SGF29: variants seen among roughly 807,000 people sequenced by gnomAD.
The protein encoded by SGF29 is SAGA-associated factor 29.
Under a neutral mutation model 38.1 loss-of-function variants are expected in SGF29, and 15 were observed. The ratio of observed to expected loss-of-function variants is 0.39; its 90% CI spans 0.26 to 0.61. SGF29 has a LOEUF of 0.61. Ranked by LOEUF, SGF29 falls within the 20% of genes least tolerant of loss-of-function variation. The pLI, the probability that SGF29 is intolerant of heterozygous loss-of-function variation, is 0.49. For synonymous variants in SGF29, 151 were observed against 160.8 expected, an observed-to-expected ratio of 0.94 and a Z score of 0.46; for missense variants, 184 against 394.6, an observed-to-expected ratio of 0.47 and a Z score of 4.52.
intron 5 of SGF29, 110 bp downstream of exon 5, chr16:28,589,274 CT>C: frequency 9.0e-7 from 1 of 1,110,032 alleles, no homozygotes; most frequent in Non-Finnish European, 1.4e-6. Flanking sequence ...TGCTGGCATC[CT>C]CCCATGGAGG....
Position 28,591,579 on chromosome 16 carries a change from C to G in SGF29, c.766-11C>G. ...TCTCTGAGCAGCCCCTCCTGTCTGC[C>G]TGCCCCACAGCCCCAGGATGACTAC... On this transcript the variant is annotated splice_polypyrimidine_tract_variant and intron_variant, in intron 9 of 9. Coordinates refer to ENST00000317058, the MANE Select transcript of SGF29 (RefSeq NM_138414.3). The G allele has an allele frequency of 6.3e-7, 1 of 1,599,226 alleles. No individual in the cohort carries two copies. Among genetic ancestry groups the G allele is most frequent in the Non-Finnish European group, 8.6e-7 (1 of 1,166,590 alleles).
At chr16:28,575,767 A>T (rs2046888725) in intron 1 of SGF29, among the ~76,000 whole-genome samples, 1 of 152,224 alleles carries the variant, frequency 6.6e-6, no homozygotes, top group African/African-American at 2.4e-5. Flanking sequence ...ATATGAAAAG[A>T]TACTCAATGC....
chr16:28,577,909 C>T (rs1258007774), intron 1 of SGF29, among the ~76,000 whole-genome samples: 1 of 152,056 alleles, frequency 6.6e-6, no homozygotes, highest in East Asian at 1.9e-4. Context: ...GTCTTGACAC[C>T]CTTGTTGAAA....
intron 1 of SGF29, among the ~76,000 whole-genome samples, chr16:28,570,356 C>G (rs1483998228): frequency 6.6e-6 from 1 of 152,150 alleles, no homozygotes; most frequent in Non-Finnish European, 1.5e-5. Flanking sequence ...TACCTGGGAC[C>G]TATTACCCCT....
chr16:28,583,208 T>C (rs1323550003), intron 2 of SGF29, among the ~76,000 whole-genome samples: 1 of 152,230 alleles, frequency 6.6e-6, no homozygotes, highest in African/African-American at 2.4e-5. Context: ...GAGTACAATA[T>C]TGGATTTCCC....
At chr16:28,589,293 A>C in intron 5 of SGF29, 129 bp downstream of exon 5, 1 of 888,490 alleles carries the variant, frequency 1.1e-6, no homozygotes, top group Non-Finnish European at 1.8e-6. Flanking sequence ...AGGCTCTGGC[A>C]GACTGGCTCT....
intron 1 of SGF29, among the ~76,000 whole-genome samples, chr16:28,578,883 A>C (rs912099367): frequency 6.6e-6 from 1 of 152,134 alleles, no homozygotes; most frequent in African/African-American, 2.4e-5. Flanking sequence ...CCGAGGTTGC[A>C]GTGAGCAGAG....
At chr16:28,561,160 G>C (rs745760464) in intron 1 of SGF29, among the ~76,000 whole-genome samples, 17 of 152,152 alleles carry the variant, frequency 1.1e-4, no homozygotes, top group Non-Finnish European at 1.9e-4. Context: ...GGGAGGCTGA[G>C]TCGGGAGGAT....
intron 1 of SGF29, among the ~76,000 whole-genome samples, chr16:28,555,591 G>A (rs1215965167): frequency 6.6e-6 from 1 of 152,212 alleles, no homozygotes; most frequent in Non-Finnish European, 1.5e-5. Flanking sequence ...TATTGTGATG[G>A]ATTGGGTGAC....
intron 1 of SGF29, among the ~76,000 whole-genome samples, chr16:28,556,836 C>T (rs1198319266): frequency 6.6e-6 from 1 of 152,100 alleles, no homozygotes; most frequent in Non-Finnish European, 1.5e-5. Context: ...TTTGTAGAGA[C>T]AGGGCCTCCG....
intron 4 of SGF29, among the ~76,000 whole-genome samples, chr16:28,586,723 T>C (rs558900080): frequency 6.6e-5 from 10 of 152,256 alleles, no homozygotes; most frequent in African/African-American, 2.4e-4. Context: ...ATTCATGCTT[T>C]ACACTTTTGG....
chr16:28,591,784 C>G lies in SGF29; in HGVS notation c.*78C>G, dbSNP rs1401233424. 1.5e-6 allele frequency: 2 copies of G among 1,315,748 alleles called. No homozygotes were observed. The highest frequency in any genetic ancestry group is 1.4e-5 in the African/African-American group (1 of 69,066). 81.5% of individuals were successfully genotyped at this position (1,315,748 alleles called of 1,614,324 possible). A position where few individuals can be genotyped will look rare whatever the true frequency, so the allele number is the denominator to read the frequency against. ...GACGTGCTGGGATTAAACACATTCC[C>G]CCTCTACTCGTCTCCTGGGTTTTAC... On this transcript the variant is annotated 3_prime_UTR_variant, in exon 10 of 10. Coordinates refer to ENST00000317058, the MANE Select transcript of SGF29 (RefSeq NM_138414.3).
chr16:28,571,140 G>C (rs965092301), intron 1 of SGF29, among the ~76,000 whole-genome samples: 1 of 152,094 alleles, frequency 6.6e-6, no homozygotes, highest in African/African-American at 2.4e-5. Flanking sequence ...CTCAAGAATG[G>C]GGTTAGCGCC....
At chr16:28,564,698 T>C (rs1442200626) in intron 1 of SGF29, among the ~76,000 whole-genome samples, 5 of 71,912 alleles carry the variant, frequency 7.0e-5, no homozygotes, top group African/African-American at 2.1e-4. Flanking sequence ...TATATATATG[T>C]ATATATATAC....
At chr16:28,569,686 G>A (rs1384198657) in intron 1 of SGF29, among the ~76,000 whole-genome samples, 1 of 152,146 alleles carries the variant, frequency 6.6e-6, no homozygotes, top group East Asian at 1.9e-4. Flanking sequence ...TATTTGGAGA[G>A]AATATGAAAG....
intron 2 of SGF29, among the ~76,000 whole-genome samples, chr16:28,582,714 C>A (rs1309008572): frequency 6.6e-6 from 1 of 152,114 alleles, no homozygotes; most frequent in Non-Finnish European, 1.5e-5. Flanking sequence ...GAGGCTGAGG[C>A]GGGTGGATCA....
intron 1 of SGF29, among the ~76,000 whole-genome samples, chr16:28,573,684 C>T (rs1327298418): frequency 1.3e-5 from 2 of 152,098 alleles, no homozygotes; most frequent in Non-Finnish European, 2.9e-5. Flanking sequence ...GTTTTTCCCT[C>T]TTTAGGGTGA....
intron 3 of SGF29, 102 bp from the exon 4 acceptor site, chr16:28,585,546 C>A: frequency 2.8e-6 from 3 of 1,057,946 alleles, no homozygotes; most frequent in Non-Finnish European, 4.4e-6. Context: ...GCAGCTACGG[C>A]CTCTCTGTGC....
At position 28,564,683 on chromosome 16, in the gene SGF29, A is replaced by G. The variant is rs1274343044; in HGVS notation, c.-16+10586A>G. 4.7e-4 allele frequency among the ~76,000 whole-genome samples: 32 copies of G among 68,266 alleles called. No individual in the cohort carries two copies. The East Asian group carries it at 7.6e-3, about 16-fold the overall frequency. The allele number at this position is 68,266 out of a possible 152,430, so 44.8% of individuals were successfully genotyped here. ...TATATATGCATATATATGTATATAT[A>G]TGTGTATATATATGTATATATATAC... On this transcript the variant is annotated intron_variant, in intron 1 of 9. Transcript: ENST00000317058.
Sources: gnomAD v4.1 joint callset for allele counts (sites outside exome capture counted in the v4.1 genomes callset) on GRCh38, gnomAD v4.1.1 for gene constraint, MANE v1.5 for transcripts, NCBI Gene and HGNC (gene_info 2026-07-23, HGNC 2026-07-21) for gene names.